Variants in UBA6 observed in about 807,000 individuals in gnomAD.
The protein encoded by UBA6 is ubiquitin like modifier activating enzyme 6.
UBA6 carries 87 observed loss-of-function variants against 148.3 expected under a neutral mutation model. The ratio of observed to expected loss-of-function variants is 0.59; its 90% CI spans 0.49 to 0.70. UBA6 has a LOEUF of 0.70. Ranked by LOEUF, UBA6 falls within the 30% of genes least tolerant of loss-of-function variation. The pLI is 0.00. For synonymous variants in UBA6, 376 were observed against 401.0 expected (o/e 0.94, Z 0.75); for missense variants, 1,186 against 1,241.2 (o/e 0.96, Z 0.67).
chr4:67,616,082 C>CA lies in UBA6; in HGVS notation c.*2914dup. On this transcript the variant is annotated 3_prime_UTR_variant, in exon 33 of 33. Coordinates refer to ENST00000322244, the MANE Select transcript of UBA6 (RefSeq NM_018227.6). ...AAATATATATTTCTCAATAAAAAAA[C>CA]AAAGTTATGACATAGAGCAAAATGA... 1 of 392,988 alleles carries CA rather than the reference C, an allele frequency of 2.5e-6. No homozygotes were observed. The highest frequency in any genetic ancestry group is 4.4e-5 in the Admixed American group (1 of 22,480). 24.3% of individuals were successfully genotyped at this position (392,988 alleles called of 1,614,324 possible). A position where few individuals can be genotyped will look rare whatever the true frequency, so the allele number is the denominator to read the frequency against.
chr4:67,676,013 T>C (rs917531759), intron 6 of UBA6, among the ~76,000 whole-genome samples: 16 of 150,146 alleles, frequency 1.1e-4, no homozygotes, highest in Non-Finnish European at 1.9e-4. Context: ...GCCATTATAG[T>C]ACTACCTTTT....
chr4:67,673,923 C>T, intron 6 of UBA6, 146 bp from the exon 7 acceptor site: 1 of 469,502 alleles, frequency 2.1e-6, no homozygotes, highest in Non-Finnish European at 3.8e-6. Flanking sequence ...AATTCCATTC[C>T]AAGGTTAATA....
At chr4:67,652,219 T>C (rs1057450520) in intron 13 of UBA6, among the ~76,000 whole-genome samples, 4 of 152,144 alleles carry the variant, frequency 2.6e-5, no homozygotes, top group Admixed American at 6.5e-5. Flanking sequence ...TATCCAAATA[T>C]ATAAAGACAT....
rs112827557 is a variant in UBA6 at position 67,663,620 on chromosome 4, C to A, written c.960+265G>T. 8.9e-6 allele frequency: 4 copies of A among 450,124 alleles called. No individual in the cohort carries two copies. The Middle Eastern group carries it at 2.2e-3, about 247-fold the overall frequency. The allele number at this position is 450,124 out of a possible 1,614,324, so 27.9% of individuals were successfully genotyped here. ...TCATCTTTGTACAAGTTATTGAAAT[C>A]GTCTTATAATTATCAAAGTTGGCAA... is the stretch of plus-strand genomic sequence containing the variant. On this transcript the variant is annotated intron_variant, in intron 11 of 32. Coordinates refer to ENST00000322244, the MANE Select transcript of UBA6 (RefSeq NM_018227.6).
intron 10 of UBA6, among the ~76,000 whole-genome samples, chr4:67,664,437 T>A (rs1318130314): frequency 2.0e-5 from 3 of 148,516 alleles, no homozygotes; most frequent in Non-Finnish European, 3.0e-5. Flanking sequence ...AGTATTTTAA[T>A]TTTTTTTTTT....
chr4:67,618,184 G>C lies in UBA6; in HGVS notation c.*813C>G, dbSNP rs1728672417. Reference sequence around the variant, plus strand: ...CAAAATCTTTTAGTTTTATATATTAGGACAATCAGGTTTAGAGTCTCACAT... The same window carrying C: ...CAAAATCTTTTAGTTTTATATATTACGACAATCAGGTTTAGAGTCTCACAT... On this transcript the variant is annotated 3_prime_UTR_variant, in exon 33 of 33. Coordinates refer to ENST00000322244, the MANE Select transcript of UBA6 (RefSeq NM_018227.6). 1 of 152,056 alleles carries C rather than the reference G, an allele frequency of 6.6e-6. No homozygotes were observed. Among genetic ancestry groups the C allele is most frequent in the African/African-American group, 2.4e-5 (1 of 41,284 alleles). 9.4% of individuals were successfully genotyped at this position (152,056 alleles called of 1,614,324 possible). A position where few individuals can be genotyped will look rare whatever the true frequency, so the allele number is the denominator to read the frequency against.
chr4:67,691,516 C>T (rs1210952966), intron 2 of UBA6, among the ~76,000 whole-genome samples: 2 of 152,112 alleles, frequency 1.3e-5, no homozygotes, highest in Middle Eastern at 3.2e-3. Flanking sequence ...CTGAGCAGTT[C>T]CTCTCTCCAG....
intron 2 of UBA6, among the ~76,000 whole-genome samples, chr4:67,692,329 A>G (rs1056653501): frequency 1.3e-5 from 2 of 152,188 alleles, no homozygotes; most frequent in African/African-American, 4.8e-5. Context: ...CTCTATTTTG[A>G]AAAAAATTGC....
At chr4:67,653,191 G>A (rs986176944) in intron 13 of UBA6, among the ~76,000 whole-genome samples, 11 of 152,298 alleles carry the variant, frequency 7.2e-5, no homozygotes, top group East Asian at 3.9e-4. Context: ...ATAGCATGGC[G>A]TTCAAGCTCT....
chr4:67,690,992 C>T (rs754641267), intron 2 of UBA6, among the ~76,000 whole-genome samples: 77 of 152,028 alleles, frequency 5.1e-4, no homozygotes, highest in Admixed American at 1.8e-3. Context: ...GAAATATTTG[C>T]TACACAGATC....
At chr4:67,665,432 T>A (rs1729971493) in intron 9 of UBA6, 140 bp from the exon 10 acceptor site, 2 of 234,452 alleles carry the variant, frequency 8.5e-6, no homozygotes, top group South Asian at 1.8e-4. Flanking sequence ...TGTTTGTTTG[T>A]TTTTTTTTTT....
At position 67,661,175 on chromosome 4, in the gene UBA6, A is replaced by T. The variant is rs1320583302; in HGVS notation, c.1104+1014T>A. 2.0e-5 allele frequency among the ~76,000 whole-genome samples: 3 copies of T among 152,240 alleles called. No individual in the cohort carries two copies. The East Asian group carries it at 5.8e-4, about 29-fold the overall frequency. On this transcript the variant is annotated intron_variant, in intron 13 of 32. Coordinates refer to ENST00000322244, the MANE Select transcript of UBA6 (RefSeq NM_018227.6). The stretch of plus-strand genomic sequence containing the variant: ...ACATGGACTTCTGGATTAATGCTGG[A>T]ATGAGCTAAGACTTTGGGGGACTGT...
chr4:67,670,662 T>C (rs1730124291), intron 7 of UBA6, 70 bp from the exon 8 acceptor site: 2 of 1,167,144 alleles, frequency 1.7e-6, no homozygotes, highest in Admixed American at 2.2e-5. Context: ...TCTTAGGCCA[T>C]TTCATAACAA....
chr4:67,663,363 C>G, intron 11 of UBA6, 148 bp from the exon 12 acceptor site: 1 of 535,916 alleles, frequency 1.9e-6, no homozygotes, highest in Non-Finnish European at 3.3e-6. Context: ...AAATAAGAAA[C>G]CTGAAGGTTA....
chr4:67,696,542 CAT>C (rs1021762976), intron 2 of UBA6, 101 bp downstream of exon 2: 84 of 746,084 alleles, frequency 1.1e-4, no homozygotes, highest in East Asian at 1.0e-3. Flanking sequence ...CACACACACA[CAT>C]ATAATTCTGC....
At chr4:67,650,879 T>C (rs770042359) in intron 13 of UBA6, among the ~76,000 whole-genome samples, 6 of 152,046 alleles carry the variant, frequency 3.9e-5, no homozygotes, top group Non-Finnish European at 8.8e-5. Flanking sequence ...AGACATTCTT[T>C]GAGAGAGAAA....
chr4:67,666,936 G>C (rs977956621), intron 9 of UBA6, among the ~76,000 whole-genome samples: 7 of 152,042 alleles, frequency 4.6e-5, no homozygotes, highest in Admixed American at 1.3e-4. Flanking sequence ...TTTCATGCTA[G>C]CAGAATATTA....
intron 6 of UBA6, 149 bp downstream of exon 6, chr4:67,677,462 T>C (rs905021537): frequency 2.4e-6 from 1 of 424,838 alleles, no homozygotes; most frequent in African/African-American, 2.1e-5. Context: ...ATGGAGAATT[T>C]GAAAGGTTTT....
rs758575177 is a variant in UBA6 at position 67,634,244 on chromosome 4, G to T, written c.2011C>A (p.Gln671Lys). ...TATTAAAATTTACTGATTTTTACCTGTAAGACTTCTTCTGCAGATGAATAG... is the reference window on the plus strand; with the variant it reads ...TATTAAAATTTACTGATTTTTACCTTTAAGACTTCTTCTGCAGATGAATAG... ...QTYSSAEEVLQKIQSGHSLEG... is the reference protein window; with the variant it reads ...QTYSSAEEVLKKIQSGHSLEG... Residue 671 changes from glutamine (Q) to lysine (K), a missense_variant and splice_region_variant, in exon 22 of 33, where the codon CAG becomes AAG. Transcript: ENST00000322244. 1 of 1,580,554 alleles carries T rather than the reference G, an allele frequency of 6.3e-7. No homozygotes were observed. The highest frequency in any genetic ancestry group is 1.2e-5 in the South Asian group (1 of 84,322).
Sources: allele counts gnomAD v4.1 joint callset (sites outside exome capture counted in the v4.1 genomes callset), GRCh38; gene constraint gnomAD v4.1.1; transcripts MANE v1.5; gene names NCBI Gene and HGNC (gene_info 2026-07-23, HGNC 2026-07-21).